Variants in RNF6 observed in about 807,000 individuals in gnomAD.
RNF6 encodes E3 ubiquitin-protein ligase RNF6.
A neutral mutation model predicts 50.1 loss-of-function variants in RNF6; 21 were observed. The observed-to-expected ratio is 0.42, with a 90% CI of 0.30 to 0.60. The LOEUF is 0.60. Ranked by LOEUF, RNF6 falls within the 20% of genes least tolerant of loss-of-function variation. The pLI is 0.20. For missense variants in RNF6, 698 were observed against 838.2 expected, an observed-to-expected ratio of 0.83 and a Z score of 2.07; for synonymous variants, 255 against 291.8, an observed-to-expected ratio of 0.87 and a Z score of 1.29.
intron 5 of RNF6, among the ~76,000 whole-genome samples, chr13:26,167,521 A>G (rs1179542307): frequency 1.3e-5 from 2 of 152,164 alleles, no homozygotes; most frequent in Non-Finnish European, 2.9e-5. Context: ...AATCAGTCAC[A>G]ATGGTTATTA....
chr13:26,148,127 G>C (rs984826214), intron 5 of RNF6, among the ~76,000 whole-genome samples: 5 of 152,120 alleles, frequency 3.3e-5, no homozygotes, highest in African/African-American at 1.2e-4. Flanking sequence ...TTCTTCACAA[G>C]GGGGCAGGAA....
chr13:26,163,651 A>G (rs149878494), intron 5 of RNF6, among the ~76,000 whole-genome samples: 53 of 152,180 alleles, frequency 3.5e-4, no homozygotes, highest in African/African-American at 1.3e-3. Context: ...TCACCTCTCA[A>G]CACCTCTGCT....
Position 26,183,019 on chromosome 13 carries a change from G to C in RNF6, n.768+32455C>G, listed in dbSNP as rs547733389. Among the ~76,000 whole-genome samples the C allele has an allele frequency of 3.9e-4, 60 of 152,310 alleles. No homozygotes were observed. The South Asian group carries it at 0.011, about 27-fold the overall frequency. On this transcript the variant is annotated intron_variant and non_coding_transcript_variant, in intron 5 of 5. Transcript: ENST00000468480. ...TACTGTGGCTGGATTTTATGCTGCT[G>C]CATAATTTTCTTTCCTGACATTTGT...
chr13:26,198,982 CT>C (rs1016029835), intron 5 of RNF6, among the ~76,000 whole-genome samples: 5 of 151,700 alleles, frequency 3.3e-5, no homozygotes, highest in Admixed American at 1.3e-4. Flanking sequence ...TTAAAAAGAC[CT>C]AAATAAATGG....
chr13:26,177,668 C>T (rs1287161893), intron 5 of RNF6, among the ~76,000 whole-genome samples: 2 of 152,182 alleles, frequency 1.3e-5, no homozygotes, highest in Non-Finnish European at 2.9e-5. Flanking sequence ...TTGTTCTAGC[C>T]AGAAACCTAA....
intron 5 of RNF6, among the ~76,000 whole-genome samples, chr13:26,171,495 T>C (rs1872694870): frequency 6.6e-6 from 1 of 152,180 alleles, no homozygotes; most frequent in Admixed American, 6.5e-5. Flanking sequence ...TGGTCATTCC[T>C]CAAAAAGTTA....
chr13:26,214,611 C>G lies in RNF6; in HGVS notation c.1271G>C (p.Arg424Thr), dbSNP rs1277266244. 4.3e-6 allele frequency: 7 copies of G among 1,614,106 alleles called. No homozygotes were observed. Among genetic ancestry groups the G allele is most frequent in the Non-Finnish European group, 5.9e-6 (7 of 1,180,052 alleles). Residue 424 changes from arginine to threonine, a missense_variant, in exon 5 of 5, where the codon AGA becomes ACA. Coordinates refer to ENST00000381588, the MANE Select transcript of RNF6 (RefSeq NM_005977.4). ...RDSIANRTRS[R>T]VGLAENTVTI... The stretch of plus-strand genomic sequence containing the variant: ...GACTGTATTTTCTGCTAGCCCTACT[C>G]TGGATCGAGTTCTATTTGCAATACT...
chr13:26,206,572 C>G (rs1459322828), intron 5 of RNF6, among the ~76,000 whole-genome samples: 2 of 152,154 alleles, frequency 1.3e-5, no homozygotes, highest in African/African-American at 2.4e-5. Context: ...TATACATTTT[C>G]TTGGACTCGC....
At chr13:26,167,841 T>C (rs1872523065) in intron 5 of RNF6, among the ~76,000 whole-genome samples, 1 of 152,180 alleles carries the variant, frequency 6.6e-6, no homozygotes, top group Non-Finnish European at 1.5e-5. Context: ...AATGTACATA[T>C]ACACCATGGG....
At chr13:26,168,588 C>G (rs1352552906) in intron 5 of RNF6, among the ~76,000 whole-genome samples, 2 of 152,156 alleles carry the variant, frequency 1.3e-5, no homozygotes, top group Non-Finnish European at 2.9e-5. Flanking sequence ...AATGGTGTGG[C>G]CTTTTGGCTC....
At chr13:26,186,882 A>G (rs1334183122) in intron 5 of RNF6, among the ~76,000 whole-genome samples, 1 of 150,828 alleles carries the variant, frequency 6.6e-6, no homozygotes, top group Non-Finnish European at 1.5e-5. Context: ...GGTTCACGCC[A>G]TTCTCCTGCC....
chr13:26,141,408 A>G (rs1870941478), intron 5 of RNF6, among the ~76,000 whole-genome samples: 1 of 139,878 alleles, frequency 7.1e-6, no homozygotes, highest in African/African-American at 2.6e-5. Context: ...AGCCTGGGCA[A>G]CAGAGCAAGA....
intron 5 of RNF6, among the ~76,000 whole-genome samples, chr13:26,160,518 C>G (rs1467283202): frequency 1.5e-5 from 2 of 131,376 alleles, no homozygotes; most frequent in Non-Finnish European, 1.6e-5. Flanking sequence ...GCCACTGCAT[C>G]CAGCCTATCT....
intron 5 of RNF6, among the ~76,000 whole-genome samples, chr13:26,193,884 G>A (rs182219310): frequency 7.0e-4 from 106 of 152,138 alleles, no homozygotes; most frequent in African/African-American, 2.5e-3. Flanking sequence ...AAGGTGAGTG[G>A]TAGATGTAGT....
chr13:26,172,362 T>C (rs568884846), intron 5 of RNF6, among the ~76,000 whole-genome samples: 1 of 152,242 alleles, frequency 6.6e-6, no homozygotes, highest in South Asian at 2.1e-4. Context: ...AGCAAAACTT[T>C]AAAAATTCAA....
At position 26,186,795 on chromosome 13, in the gene RNF6, T is replaced by C. The variant is rs548501097; in HGVS notation, n.768+28679A>G. 2.0e-5 allele frequency among the ~76,000 whole-genome samples: 3 copies of C among 149,922 alleles called. No homozygotes were observed. In the South Asian group the frequency reaches 6.3e-4, roughly 32 times the overall value. ...TCTTCTTTTTTTTTTTTTCTTTTTTTGAGACGGAGTCTCGTTCTGTCGCCC... is the reference window on the plus strand; with the variant it reads ...TCTTCTTTTTTTTTTTTTCTTTTTTCGAGACGGAGTCTCGTTCTGTCGCCC... On this transcript the variant is annotated intron_variant and non_coding_transcript_variant, in intron 5 of 5. Coordinates refer to the RNF6 transcript ENST00000468480.
chr13:26,189,024 G>T (rs1873693639), intron 5 of RNF6, among the ~76,000 whole-genome samples: 1 of 151,872 alleles, frequency 6.6e-6, no homozygotes. Flanking sequence ...TTAAATGTAA[G>T]ATAGAATCAA....
At chr13:26,193,000 T>C (rs911267957) in intron 5 of RNF6, among the ~76,000 whole-genome samples, 6 of 152,220 alleles carry the variant, frequency 3.9e-5, no homozygotes, top group Non-Finnish European at 8.8e-5. Context: ...CTTTTTGGCC[T>C]GAGTGACTGG....
intron 5 of RNF6, among the ~76,000 whole-genome samples, chr13:26,206,021 A>T (rs557617501): frequency 4.7e-4 from 71 of 152,320 alleles, no homozygotes; most frequent in African/African-American, 1.2e-3. Flanking sequence ...AAAAAATTTT[A>T]AAAAAATCTG....
Sources: allele counts gnomAD v4.1 joint callset (sites outside exome capture counted in the v4.1 genomes callset), GRCh38; gene constraint gnomAD v4.1.1; transcripts MANE v1.5; gene names NCBI Gene and HGNC (gene_info 2026-07-23, HGNC 2026-07-21).